DIS3L2: variants seen among roughly 807,000 people sequenced by gnomAD.
DIS3L2 encodes the protein DIS3 like 3'-5' exoribonuclease 2.
DIS3L2 carries 34 observed loss-of-function variants against 97.5 expected under a neutral mutation model. That is an observed-to-expected ratio of 0.35 (90% CI 0.27 to 0.46). The LOEUF (loss-of-function observed/expected upper bound fraction) is 0.46. DIS3L2 is among the 20% of genes least tolerant of loss of function. DIS3L2 has a pLI of 1.00. For missense variants in DIS3L2, 1,038 were observed against 1,146.0 expected (o/e 0.91, Z 1.36); for synonymous variants, 435 against 445.2 (o/e 0.98, Z 0.29).
At chr2:232,116,515 T>C (rs1270608165) in intron 6 of DIS3L2, among the ~76,000 whole-genome samples, 1 of 152,258 alleles carries the variant, frequency 6.6e-6, no homozygotes, top group Non-Finnish European at 1.5e-5. Flanking sequence ...ATAATTCCCG[T>C]TCTCCTTAGA....
At chr2:232,103,589 T>C (rs960750248) in intron 6 of DIS3L2, among the ~76,000 whole-genome samples, 1 of 152,198 alleles carries the variant, frequency 6.6e-6, no homozygotes, top group African/African-American at 2.4e-5. Context: ...GTAATTCAGT[T>C]GTGTTTGCTA....
chr2:232,221,882 G>T (rs530479861), intron 10 of DIS3L2, among the ~76,000 whole-genome samples: 20 of 152,256 alleles, frequency 1.3e-4, no homozygotes, highest in Non-Finnish European at 1.5e-4. Context: ...ACATCTTCAT[G>T]ATGCCCAGTG....
At chr2:231,969,840 C>A (rs1692840930) in intron 1 of DIS3L2, among the ~76,000 whole-genome samples, 1 of 151,666 alleles carries the variant, frequency 6.6e-6, no homozygotes, top group Admixed American at 6.6e-5. Flanking sequence ...TGCATTTTAT[C>A]ACTGGAGAAG....
At position 232,123,774 on chromosome 2, in the gene DIS3L2, A is replaced by G. The variant is rs191681364; in HGVS notation, c.602-6845A>G. On this transcript the variant is annotated intron_variant, in intron 6 of 20. Coordinates refer to ENST00000325385, the MANE Select transcript of DIS3L2 (RefSeq NM_152383.5). ...TTGATAAGACATTGTAGGTTTGACCACCAGTTGCTGGGGACAGAAATAAGG... is the reference window on the plus strand; with the variant it reads ...TTGATAAGACATTGTAGGTTTGACCGCCAGTTGCTGGGGACAGAAATAAGG... Among the ~76,000 whole-genome samples the G allele has an allele frequency of 4.0e-4, 61 of 152,318 alleles. 1 individual carries two copies. The highest frequency in any genetic ancestry group is 1.4e-3 in the African/African-American group (59 of 41,580).
intron 1 of DIS3L2, among the ~76,000 whole-genome samples, chr2:231,968,305 C>T (rs1446028983): frequency 2.0e-5 from 3 of 152,156 alleles, no homozygotes; most frequent in Non-Finnish European, 4.4e-5. Context: ...ATTGTGTTAG[C>T]TAGGATGGTC....
At chr2:232,196,502 G>A (rs1404140563) in intron 9 of DIS3L2, among the ~76,000 whole-genome samples, 2 of 152,030 alleles carry the variant, frequency 1.3e-5, no homozygotes, top group African/African-American at 4.8e-5. Context: ...CATTCATTTT[G>A]AGAATACATT....
At chr2:232,223,276 C>T (rs1399126342) in intron 10 of DIS3L2, among the ~76,000 whole-genome samples, 1 of 152,150 alleles carries the variant, frequency 6.6e-6, no homozygotes, top group Non-Finnish European at 1.5e-5. Context: ...TGTGGTACAC[C>T]AGAAAGAGCA....
At chr2:232,216,362 A>G (rs920499152) in intron 10 of DIS3L2, among the ~76,000 whole-genome samples, 1 of 152,166 alleles carries the variant, frequency 6.6e-6, no homozygotes, top group Non-Finnish European at 1.5e-5. Context: ...TTTCTTCTCC[A>G]GTCGCCTTTT....
intron 9 of DIS3L2, among the ~76,000 whole-genome samples, chr2:232,197,132 C>A (rs1691777114): frequency 6.6e-6 from 1 of 152,122 alleles, no homozygotes; most frequent in African/African-American, 2.4e-5. Context: ...CATTGTTCCT[C>A]AAATAGAAAT....
intron 5 of DIS3L2, among the ~76,000 whole-genome samples, chr2:232,039,997 C>T (rs535403205): frequency 9.1e-4 from 139 of 152,200 alleles, no homozygotes; most frequent in Non-Finnish European, 1.6e-3. Flanking sequence ...ACAGGCTTTG[C>T]GCTTAAGGAG....
intron 10 of DIS3L2, among the ~76,000 whole-genome samples, chr2:232,229,452 C>G (rs1182538527): frequency 6.6e-6 from 1 of 152,226 alleles, no homozygotes; most frequent in Non-Finnish European, 1.5e-5. Flanking sequence ...CAGAGCTTCT[C>G]TGGAGCCTGT....
rs566341453 is a variant in DIS3L2 at position 232,181,730 on chromosome 2, C to G, written c.1124+18098C>G. ...CTCAGCTCACTGCAACCTCCACCTCCTGGGTTCAAGTGATTCTCCTGTGTC... is the reference window on the plus strand; with the variant it reads ...CTCAGCTCACTGCAACCTCCACCTCGTGGGTTCAAGTGATTCTCCTGTGTC... On this transcript the variant is annotated intron_variant, in intron 9 of 20. Coordinates refer to ENST00000325385, the MANE Select transcript of DIS3L2 (RefSeq NM_152383.5). Among the ~76,000 whole-genome samples the G allele has an allele frequency of 1.7e-3, 259 of 152,264 alleles. 1 individual carries two copies. The highest frequency in any genetic ancestry group is 5.8e-3 in the African/African-American group (243 of 41,548).
intron 1 of DIS3L2, among the ~76,000 whole-genome samples, chr2:231,997,208 T>G (rs1396718541): frequency 6.6e-6 from 1 of 152,280 alleles, no homozygotes; most frequent in Non-Finnish European, 1.5e-5. Context: ...TTTATAACCA[T>G]TATCTCTTCC....
At chr2:232,190,476 T>C (rs747818925) in intron 9 of DIS3L2, among the ~76,000 whole-genome samples, 1 of 152,166 alleles carries the variant, frequency 6.6e-6, no homozygotes, top group Non-Finnish European at 1.5e-5. Context: ...GATTTTGCTT[T>C]AAAGAACATG....
chr2:232,317,017 T>C (rs1333379116), intron 14 of DIS3L2, among the ~76,000 whole-genome samples: 2 of 152,202 alleles, frequency 1.3e-5, no homozygotes, highest in African/African-American at 4.8e-5. Flanking sequence ...TCTCACATCC[T>C]TAAGGCAGCA....
At chr2:232,124,740 A>C (rs192463718) in intron 6 of DIS3L2, among the ~76,000 whole-genome samples, 3 of 152,202 alleles carry the variant, frequency 2.0e-5, no homozygotes, top group Admixed American at 2.0e-4. Context: ...CTGCAAGTCT[A>C]ATTTTTAAAA....
chr2:232,303,687 C>T (rs1404689731), intron 14 of DIS3L2, among the ~76,000 whole-genome samples: 1 of 152,148 alleles, frequency 6.6e-6, no homozygotes, highest in Non-Finnish European at 1.5e-5. Flanking sequence ...AATGGGCACT[C>T]CATTTTTATA....
intron 6 of DIS3L2, among the ~76,000 whole-genome samples, chr2:232,109,087 C>T (rs1447947804): frequency 6.6e-6 from 1 of 152,160 alleles, no homozygotes; most frequent in Non-Finnish European, 1.5e-5. Flanking sequence ...ACAAAAGTGC[C>T]TGAATAGCCA....
At position 232,284,709 on chromosome 2, in the gene DIS3L2, C is replaced by G. The variant is rs150925549; in HGVS notation, c.1660-15331C>G. Among the ~76,000 whole-genome samples, 3 of 152,294 alleles carry G rather than the reference C, an allele frequency of 2.0e-5. No individual in the cohort carries two copies. In the East Asian group the frequency reaches 5.8e-4, roughly 29 times the overall value. On this transcript the variant is annotated intron_variant, in intron 13 of 20. Transcript: ENST00000325385. ...TTTTTTTCCCCATCACCTGGAATCT[C>G]TCCTGAGTGCATCCATCGTTCAGAT...
Sources: allele counts gnomAD v4.1 joint callset (sites outside exome capture counted in the v4.1 genomes callset), GRCh38; gene constraint gnomAD v4.1.1; transcripts MANE v1.5; gene names NCBI Gene and HGNC (gene_info 2026-07-23, HGNC 2026-07-21).